FCMR: variants seen among roughly 807,000 people sequenced by gnomAD.
FCMR encodes immunoglobulin mu Fc receptor.
FCMR carries 34 observed loss-of-function variants against 41.6 expected under a neutral mutation model. That is an observed-to-expected ratio of 0.82 (90% CI 0.62 to 1.09). The LOEUF (loss-of-function observed/expected upper bound fraction) is 1.09, where lower values mean the gene tolerates loss of function less well. Among genes scored for constraint, FCMR ranks in the 50% least tolerant of loss-of-function variants. The pLI is 0.00. For missense variants in FCMR, 496 were observed against 512.5 expected (o/e 0.97, Z 0.31); for synonymous variants, 209 against 211.8 (o/e 0.99, Z 0.12).
At chr1:206,916,278 G>T (rs891727829) in intron 1 of FCMR, among the ~76,000 whole-genome samples, 1 of 152,230 alleles carries the variant, frequency 6.6e-6, no homozygotes, top group African/African-American at 2.4e-5. Flanking sequence ...GAATCACCCT[G>T]TGCATCCAGA....
Position 206,909,361 on chromosome 1 carries a change from C to G in FCMR, c.1044+101G>C. The G allele has an allele frequency of 1.7e-6, 1 of 597,566 alleles. No homozygotes were observed. The allele number at this position is 597,566 out of a possible 1,614,324, so 37.0% of individuals were successfully genotyped here. On this transcript the variant is annotated intron_variant, in intron 7 of 7. Transcript: ENST00000367091. The surrounding 1 kb of genome is among the most constrained non-coding windows in gnomAD (Gnocchi z 5.0). ...CTGCTGGGAAACCCGCTCTCCGGAT[C>G]GCGGCGGCGGCGGCGCGGGAAGCCA...
Position 206,909,469 on chromosome 1 carries a change from G to A in FCMR, c.1037C>T (p.Pro346Leu). ...GGCAGGAGCGGAGCTTACCTGCAGC[G>A]GGGCGGGGGGCAACGGCGCTCCGGG... ...PGPGAPLPPAPLQVSESPWLH... is the reference protein window; with the variant it reads ...PGPGAPLPPALLQVSESPWLH... Residue 346 changes from proline (P) to leucine (L), a missense_variant, in exon 7 of 8, where the codon CCG becomes CTG. Transcript: ENST00000367091. This position sits in a 1 kb window ranked among gnomAD's most constrained non-coding sequence, Gnocchi z 5.0. 1 of 1,278,944 alleles carries A rather than the reference G, an allele frequency of 7.8e-7. No individual in the cohort carries two copies. Among genetic ancestry groups the A allele is most frequent in the Non-Finnish European group, 9.9e-7 (1 of 1,013,602 alleles). The allele number at this position is 1,278,944 out of a possible 1,614,324, so 79.2% of individuals were successfully genotyped here. A position where few individuals can be genotyped will look rare whatever the true frequency, so the allele number is the denominator to read the frequency against.
intron 7 of FCMR, among the ~76,000 whole-genome samples, chr1:206,907,205 A>T (rs2102543788): frequency 6.7e-6 from 1 of 150,068 alleles, no homozygotes; most frequent in East Asian, 2.0e-4. Context: ...CCAGCTGGGG[A>T]TTAAATTTCT....
chr1:206,904,748 C>T lies in FCMR; in HGVS notation c.*271G>A, dbSNP rs533178652. 297 of 429,742 alleles carry T rather than the reference C, an allele frequency of 6.9e-4. No individual in the cohort carries two copies. Among genetic ancestry groups the T allele is most frequent in the Middle Eastern group, 1.4e-3 (2 of 1,480 alleles). The allele number at this position is 429,742 out of a possible 1,614,324, so 26.6% of individuals were successfully genotyped here. On this transcript the variant is annotated 3_prime_UTR_variant, in exon 8 of 8. Coordinates refer to ENST00000367091, the MANE Select transcript of FCMR (RefSeq NM_005449.5). Reference sequence around the variant, plus strand: ...TCTGCAAATCCCACAGTCTGTTCGACGGCTTGGAAAGGAAGCAAGTGGCAT... The same window carrying T: ...TCTGCAAATCCCACAGTCTGTTCGATGGCTTGGAAAGGAAGCAAGTGGCAT...
chr1:206,922,178 C>T (rs1031718285), upstream of FCMR, among the ~76,000 whole-genome samples: 7 of 152,228 alleles, frequency 4.6e-5, no homozygotes, highest in Non-Finnish European at 8.8e-5. Context: ...ATTCCTTTGT[C>T]TTGGTGCTTT....
At chr1:206,907,073 GA>G (rs1306525289) in intron 7 of FCMR, among the ~76,000 whole-genome samples, 1 of 122,178 alleles carries the variant, frequency 8.2e-6, no homozygotes, top group African/African-American at 3.1e-5. Flanking sequence ...GGGCAAGCCG[GA>G]GAAGCCGGGG....
intron 1 of FCMR, among the ~76,000 whole-genome samples, chr1:206,920,855 T>C (rs938580443): frequency 3.9e-5 from 6 of 152,252 alleles, no homozygotes; most frequent in Non-Finnish European, 5.9e-5. Context: ...CTTATCCCAG[T>C]AGACATGGAT....
chr1:206,921,846 G>A lies in FCMR; in HGVS notation c.9C>T (p.Phe3=). ...GCAGGAAGTAAAGTGGCCAAAGCCAGAAGTCCATTGTCCCTTCTAGAGTGC... is the reference window on the plus strand; with the variant it reads ...GCAGGAAGTAAAGTGGCCAAAGCCAAAAGTCCATTGTCCCTTCTAGAGTGC... MD[F]WLWPLYFLPV... Residue 3 remains phenylalanine, a synonymous_variant, in exon 1 of 8, where the codon TTC becomes TTT. Coordinates refer to ENST00000367091, the MANE Select transcript of FCMR (RefSeq NM_005449.5). 6.2e-7 allele frequency: 1 copy of A among 1,614,182 alleles called. No homozygotes were observed. The highest frequency in any genetic ancestry group is 8.5e-7 in the Non-Finnish European group (1 of 1,180,008).
intron 7 of FCMR, chr1:206,907,641 T>G: frequency 1.3e-6 from 1 of 761,744 alleles, no homozygotes; most frequent in South Asian, 1.3e-5. Context: ...CAGGTCCTGG[T>G]GCTTGATGGT....
intron 7 of FCMR, chr1:206,907,738 C>A: frequency 9.9e-7 from 1 of 1,013,102 alleles, no homozygotes; most frequent in Non-Finnish European, 1.6e-6. Flanking sequence ...GCTGGGAGGG[C>A]ATCAACATTT....
intron 3 of FCMR, among the ~76,000 whole-genome samples, chr1:206,912,279 C>T (rs1275112831): frequency 6.6e-6 from 1 of 152,158 alleles, no homozygotes; most frequent in Non-Finnish European, 1.5e-5. Flanking sequence ...AATCTATTCT[C>T]CCCCATTTCA....
chr1:206,916,906 A>G (rs909339269), intron 1 of FCMR, among the ~76,000 whole-genome samples: 4 of 152,236 alleles, frequency 2.6e-5, no homozygotes, highest in Admixed American at 2.6e-4. Flanking sequence ...CATTTCTGCA[A>G]TCCTGGGCTA....
intron 1 of FCMR, among the ~76,000 whole-genome samples, chr1:206,918,575 C>T (rs1277365217): frequency 2.0e-5 from 3 of 151,974 alleles, no homozygotes; most frequent in African/African-American, 4.8e-5. Context: ...CACACTCTTC[C>T]GATGACCCCA....
intron 3 of FCMR, 68 bp from the exon 4 acceptor site, chr1:206,912,020 C>T (rs1678966183): frequency 1.7e-6 from 2 of 1,165,928 alleles, no homozygotes; most frequent in Admixed American, 2.3e-5. Context: ...GATTAGGTCA[C>T]CACCTCTTTC....
chr1:206,907,088 G>T, intron 7 of FCMR, among the ~76,000 whole-genome samples: 1 of 57,344 alleles, frequency 1.7e-5, no homozygotes. Flanking sequence ...GCCGGGGGGT[G>T]GGGGGGTGGG....
At chr1:206,910,407 T>A in intron 4 of FCMR, 67 bp from the exon 5 acceptor site, 2 of 1,321,612 alleles carry the variant, frequency 1.5e-6, no homozygotes, top group Non-Finnish European at 2.0e-6. Flanking sequence ...GAGGGCTTGC[T>A]CCTGTGTAGC....
At chr1:206,907,741 C>T in intron 7 of FCMR, 1 of 1,068,422 alleles carries the variant, frequency 9.4e-7, no homozygotes, top group Non-Finnish European at 1.5e-6. Flanking sequence ...GGGAGGGCAT[C>T]AACATTTCTG....
At position 206,909,702 on chromosome 1, in the gene FCMR, C is replaced by A. The variant is rs1678833675; in HGVS notation, c.985+23G>T. On this transcript the variant is annotated intron_variant, in intron 6 of 7. Coordinates refer to ENST00000367091, the MANE Select transcript of FCMR (RefSeq NM_005449.5). This position sits in a 1 kb window ranked among gnomAD's most constrained non-coding sequence, Gnocchi z 5.0. ...GCCAGCGCACTCTTTCCGCTACTCCCCGTGGCCCGCCCGGCGGCTCACCTG... is the reference window on the plus strand; with the variant it reads ...GCCAGCGCACTCTTTCCGCTACTCCACGTGGCCCGCCCGGCGGCTCACCTG... 7.1e-7 allele frequency: 1 copy of A among 1,408,052 alleles called. No homozygotes were observed. The allele number at this position is 1,408,052 out of a possible 1,614,324, so 87.2% of individuals were successfully genotyped here.
Position 206,909,662 on chromosome 1 carries a change from C to T in FCMR, c.985+63G>A, listed in dbSNP as rs969051369. 5.9e-6 allele frequency: 8 copies of T among 1,355,156 alleles called. No individual in the cohort carries two copies. Among genetic ancestry groups the T allele is most frequent in the Non-Finnish European group, 7.5e-6 (8 of 1,060,026 alleles). 83.9% of individuals were successfully genotyped at this position (1,355,156 alleles called of 1,614,324 possible). On this transcript the variant is annotated intron_variant, in intron 6 of 7. Coordinates refer to ENST00000367091, the MANE Select transcript of FCMR (RefSeq NM_005449.5). The surrounding 1 kb of genome is among the most constrained non-coding windows in gnomAD (Gnocchi z 5.0). ...GCACCTGGGAGCGCGCCCCGCTGCG[C>T]CCGGCTTTCCCGGAGCCAGCGCACT... is the stretch of plus-strand genomic sequence containing the variant.
Sources: gnomAD v4.1 joint callset for allele counts (sites outside exome capture counted in the v4.1 genomes callset) on GRCh38, gnomAD v4.1.1 for gene constraint, Gnocchi (gnomAD v3.1) non-coding constraint, MANE v1.5 for transcripts, NCBI Gene and HGNC (gene_info 2026-07-23, HGNC 2026-07-21) for gene names.